CSMD1: variants seen among roughly 807,000 people sequenced by gnomAD.
CSMD1 encodes CUB and sushi domain-containing protein 1.
Under a neutral mutation model 417.5 loss-of-function variants are expected in CSMD1, and 213 were observed. The observed-to-expected ratio is 0.51, with a 90% confidence interval of 0.46 to 0.57. The LOEUF is 0.57. Among genes scored for constraint, CSMD1 ranks in the 20% least tolerant of loss-of-function variants. The pLI is 0.00. For missense variants in CSMD1, 6,923 were observed against 4,529.7 expected (o/e 1.53, Z -15.17); for synonymous variants, 2,862 against 1,736.8 (o/e 1.65, Z -16.11).
chr8:3,705,658 A>T (rs1309160600), intron 7 of CSMD1, among the ~76,000 whole-genome samples: 3 of 152,234 alleles, frequency 2.0e-5, no homozygotes, highest in African/African-American at 7.2e-5. Context: ...CCTGAGCTAG[A>T]CATTTTCCAT....
At chr8:4,070,401 AG>A (rs1563083095) in intron 3 of CSMD1, among the ~76,000 whole-genome samples, 1 of 152,314 alleles carries the variant, frequency 6.6e-6, no homozygotes, top group East Asian at 1.9e-4. Flanking sequence ...TGTGTCGCCC[AG>A]GCTGGAGTGC....
At chr8:4,024,673 C>A (rs1401268189) in intron 4 of CSMD1, among the ~76,000 whole-genome samples, 1 of 152,138 alleles carries the variant, frequency 6.6e-6, no homozygotes, top group Non-Finnish European at 1.5e-5. Flanking sequence ...CAAGGAGACA[C>A]TGCATAAATG....
intron 5 of CSMD1, among the ~76,000 whole-genome samples, chr8:3,799,999 G>A (rs532334493): frequency 2.6e-5 from 4 of 152,126 alleles, no homozygotes; most frequent in Admixed American, 6.6e-5. Context: ...TCCACTATTT[G>A]TGTAACCTTG....
At chr8:3,579,156 G>T (rs571999557) in intron 9 of CSMD1, among the ~76,000 whole-genome samples, 2 of 152,174 alleles carry the variant, frequency 1.3e-5, no homozygotes, top group South Asian at 4.1e-4. Flanking sequence ...TGTCTCCCCA[G>T]TAAAACTAGA....
intron 1 of CSMD1, among the ~76,000 whole-genome samples, chr8:4,721,985 G>GAAGAATACAAA: frequency 6.6e-6 from 1 of 152,240 alleles, no homozygotes; most frequent in East Asian, 1.9e-4. Context: ...CAAAGAAACA[G>GAAGAATACAAA]GAGAAGAACG....
chr8:4,957,052 A>G (rs1809162489), intron 1 of CSMD1, among the ~76,000 whole-genome samples: 2 of 152,252 alleles, frequency 1.3e-5, no homozygotes, highest in Admixed American at 1.3e-4. Context: ...AAGAGGAAAC[A>G]CATTAATTTG....
chr8:4,804,207 C>A (rs1012838369), intron 1 of CSMD1, among the ~76,000 whole-genome samples: 1 of 151,968 alleles, frequency 6.6e-6, no homozygotes, highest in African/African-American at 2.4e-5. Flanking sequence ...GAAATTTAAA[C>A]CATATTTAAC....
intron 12 of CSMD1, among the ~76,000 whole-genome samples, chr8:3,414,926 C>T (rs1457151199): frequency 6.6e-6 from 1 of 152,156 alleles, no homozygotes; most frequent in African/African-American, 2.4e-5. Flanking sequence ...ACTCTCTTTT[C>T]TGCGGCAAGA....
chr8:3,064,934 A>T (rs138179937), intron 49 of CSMD1, among the ~76,000 whole-genome samples: 1,785 of 152,246 alleles, frequency 0.012, 38 homozygotes, highest in African/African-American at 0.04. Flanking sequence ...TGTGGAAGGG[A>T]GAAAATTAGA....
chr8:3,855,319 T>C lies in CSMD1; in HGVS notation c.819-101277A>G, dbSNP rs953972644. Among the ~76,000 whole-genome samples, 15 of 152,198 alleles carry C rather than the reference T, an allele frequency of 9.9e-5. No individual in the cohort carries two copies. In the South Asian group the frequency reaches 1.4e-3, roughly 15 times the overall value. On this transcript the variant is annotated intron_variant, in intron 5 of 69. Transcript: ENST00000635120. Reference sequence around the variant, plus strand: ...AACTTGAGGCATTAAAAATTATCTATATTTTTTCATCCAGAAGGAAATACA... The same window carrying C: ...AACTTGAGGCATTAAAAATTATCTACATTTTTTCATCCAGAAGGAAATACA...
chr8:4,114,826 G>C (rs923584680), intron 3 of CSMD1, among the ~76,000 whole-genome samples: 1 of 152,144 alleles, frequency 6.6e-6, no homozygotes, highest in African/African-American at 2.4e-5. Flanking sequence ...AAAATTAGAA[G>C]GGGAGGCTGA....
chr8:4,694,045 T>C (rs1806954137), intron 1 of CSMD1, among the ~76,000 whole-genome samples: 1 of 152,214 alleles, frequency 6.6e-6, no homozygotes, highest in Non-Finnish European at 1.5e-5. Flanking sequence ...AGCTGGGAAC[T>C]GCTTAGGGCA....
At chr8:3,381,676 T>C (rs113611554) in intron 18 of CSMD1, among the ~76,000 whole-genome samples, 8 of 152,188 alleles carry the variant, frequency 5.3e-5, no homozygotes, top group East Asian at 3.8e-4. Context: ...CAGACACATG[T>C]AGTTTATTTA....
At chr8:3,440,114 A>T (rs1814875961) in intron 12 of CSMD1, among the ~76,000 whole-genome samples, 1 of 152,194 alleles carries the variant, frequency 6.6e-6, no homozygotes, top group African/African-American at 2.4e-5. Flanking sequence ...TTTGTTCTTC[A>T]AAATTACTTT....
intron 26 of CSMD1, among the ~76,000 whole-genome samples, chr8:3,241,152 T>C (rs147936397): frequency 0.085 from 12,743 of 150,584 alleles, 696 homozygotes; most frequent in Admixed American, 0.14. Flanking sequence ...CAGGAATAGT[T>C]AGGGAAGCAG....
intron 4 of CSMD1, among the ~76,000 whole-genome samples, chr8:4,027,475 C>T (rs573388253): frequency 6.6e-6 from 1 of 152,036 alleles, no homozygotes; most frequent in Non-Finnish European, 1.5e-5. Context: ...TGGGTGAGTT[C>T]TCATGAGATA....
chr8:3,653,084 A>G (rs1443936128), intron 7 of CSMD1, among the ~76,000 whole-genome samples: 1 of 152,134 alleles, frequency 6.6e-6, no homozygotes, highest in East Asian at 1.9e-4. Context: ...TCATTCATCA[A>G]CGTCATGCTT....
chr8:3,688,793 G>T (rs535991812), intron 7 of CSMD1, among the ~76,000 whole-genome samples: 1 of 152,006 alleles, frequency 6.6e-6, no homozygotes, highest in Non-Finnish European at 1.5e-5. Flanking sequence ...AGAGTATACT[G>T]TAATACTATA....
At chr8:4,078,494 G>C (rs180777806) in intron 3 of CSMD1, among the ~76,000 whole-genome samples, 92 of 151,656 alleles carry the variant, frequency 6.1e-4, no homozygotes, top group African/African-American at 2.0e-3. Context: ...TCGATCTCCT[G>C]ACCTTGTGAT....
Sources: allele counts gnomAD v4.1 joint callset (sites outside exome capture counted in the v4.1 genomes callset), GRCh38; gene constraint gnomAD v4.1.1; transcripts MANE v1.5; gene names NCBI Gene and HGNC (gene_info 2026-07-23, HGNC 2026-07-21).